The following GAR1 variants were observed in gnomAD, a reference collection of about 807,000 sequenced individuals.
The protein encoded by GAR1 is H/ACA ribonucleoprotein complex subunit 1.
In GAR1, 11 loss-of-function variants were observed where a neutral mutation model predicts 29.3. The ratio of observed to expected loss-of-function variants is 0.38; its 90% CI spans 0.24 to 0.62. GAR1 has a LOEUF of 0.62. Ranked by LOEUF, GAR1 falls within the 20% of genes least tolerant of loss-of-function variation. The pLI is 0.62. For missense variants in GAR1, 237 were observed against 268.4 expected (o/e 0.88, Z 0.82); for synonymous variants, 87 against 93.3 (o/e 0.93, Z 0.39).
chr4:109,816,585 A>G (rs1171548774), intron 2 of GAR1, among the ~76,000 whole-genome samples: 1 of 152,166 alleles, frequency 6.6e-6, no homozygotes, highest in African/African-American at 2.4e-5. Flanking sequence ...TTAAATAGGT[A>G]ATCGTGAGTA....
chr4:109,816,137 GT>G lies in GAR1; in HGVS notation c.-12-7del, dbSNP rs148758932. The G allele has an allele frequency of 9.6e-6, 15 of 1,569,708 alleles. No individual in the cohort carries two copies. Among genetic ancestry groups the G allele is most frequent in the African/African-American group, 2.7e-5 (2 of 73,392 alleles). ...CTACAGTGATCAGAAGACATAGGTC[GT>G]TTTTTTTTCATCAGGGAGGAGAGAG... On this transcript the variant is annotated splice_polypyrimidine_tract_variant and intron_variant, in intron 1 of 6. Coordinates refer to ENST00000226796, the MANE Select transcript of GAR1 (RefSeq NM_018983.4).
chr4:109,822,696 T>G (rs1378751703), intron 5 of GAR1: 3 of 429,540 alleles, frequency 7.0e-6, no homozygotes, highest in African/African-American at 6.2e-5. Context: ...AGTATACTTT[T>G]GAGGGACTTC....
intron 5 of GAR1, among the ~76,000 whole-genome samples, chr4:109,822,909 CG>C (rs1425167244): frequency 6.6e-6 from 1 of 152,138 alleles, no homozygotes; most frequent in Non-Finnish European, 1.5e-5. Context: ...AATGAGGAAA[CG>C]GAGACTTACA....
chr4:109,818,465 T>C (rs534235431), intron 3 of GAR1, among the ~76,000 whole-genome samples: 1 of 149,536 alleles, frequency 6.7e-6, no homozygotes, highest in Admixed American at 6.6e-5. Context: ...CTTTCTCTCT[T>C]TCTTTCTTTC....
chr4:109,824,514 C>T lies in GAR1; in HGVS notation c.*83C>T, dbSNP rs994078939. ...TCTACTATGGATTGGAAACTTGTTT[C>T]TTGAACAAGTCTTGAAGATCTTGGT... On this transcript the variant is annotated 3_prime_UTR_variant, in exon 7 of 7. Coordinates refer to ENST00000226796, the MANE Select transcript of GAR1 (RefSeq NM_018983.4). 24 of 1,004,074 alleles carry T rather than the reference C, an allele frequency of 2.4e-5. No individual in the cohort carries two copies. The highest frequency in any genetic ancestry group is 3.3e-5 in the Non-Finnish European group (21 of 633,180). 62.2% of individuals were successfully genotyped at this position (1,004,074 alleles called of 1,614,324 possible). A position where few individuals can be genotyped will look rare whatever the true frequency, so the allele number is the denominator to read the frequency against.
chr4:109,821,104 T>TC (rs1344188787), intron 4 of GAR1, among the ~76,000 whole-genome samples: 3 of 152,160 alleles, frequency 2.0e-5, no homozygotes, highest in African/African-American at 4.8e-5. Flanking sequence ...GATTCAGCCC[T>TC]CCTTACCCAG....
intron 3 of GAR1, among the ~76,000 whole-genome samples, chr4:109,818,533 CCCTCCCTT>C (rs1325356609): frequency 2.0e-5 from 3 of 150,422 alleles, no homozygotes; most frequent in East Asian, 1.9e-4. Flanking sequence ...CTTCTTCCCT[CCCTCCCTT>C]CCTCCCTTCC....
chr4:109,819,353 C>G, intron 4 of GAR1: 1 of 384,086 alleles, frequency 2.6e-6, no homozygotes, highest in East Asian at 6.3e-5. Context: ...GCTTTCATGA[C>G]CAAACATTCT....
intron 5 of GAR1, among the ~76,000 whole-genome samples, chr4:109,823,368 G>A (rs1733570335): frequency 6.6e-6 from 1 of 152,120 alleles, no homozygotes; most frequent in South Asian, 2.1e-4. Context: ...GTCCATATAG[G>A]TAGGAAAATT....
rs911622276 is a variant in GAR1 at position 109,815,868 on chromosome 4, A to C, written c.-13+64A>C. On this transcript the variant is annotated intron_variant, in intron 1 of 6. Transcript: ENST00000226796. ...GACGTGGAACCCAACTGCCGGAGGG[A>C]GGGAGGAAGGAAGGGGATGCGGTGC... The C allele has an allele frequency of 1.3e-5, 5 of 388,138 alleles. No individual in the cohort carries two copies. In the East Asian group the frequency reaches 2.0e-4, roughly 16 times the overall value. 24.0% of individuals were successfully genotyped at this position (388,138 alleles called of 1,614,324 possible). A position where few individuals can be genotyped will look rare whatever the true frequency, so the allele number is the denominator to read the frequency against.
In GAR1 at chr4:109,816,363, C is replaced by T; in HGVS notation, c.199C>T (p.Pro67Ser). Residue 67 changes from proline to serine, a missense_variant, in exon 2 of 7, where the codon CCA (proline) becomes TCA (serine). By Grantham distance (74) the Pro-to-Ser change is moderately conservative. Transcript: ENST00000226796. ...GFNKGQDQGPPERVVLLGEFL... is the reference protein window; with the variant it reads ...GFNKGQDQGPSERVVLLGEFL... The stretch of plus-strand genomic sequence containing the variant: ...TAACAAAGGCCAAGACCAAGGACCT[C>T]CAGAACGTGTAGTCTGTATGCAGTC... 3.1e-6 allele frequency: 5 copies of T among 1,613,742 alleles called. No individual in the cohort carries two copies. Among genetic ancestry groups the T allele is most frequent in the Non-Finnish European group, 3.4e-6 (4 of 1,179,842 alleles).
At chr4:109,816,004 A>G in intron 1 of GAR1, 149 bp from the exon 2 acceptor site, 1 of 753,444 alleles carries the variant, frequency 1.3e-6, no homozygotes, top group Non-Finnish European at 2.3e-6. Context: ...TTCACCCATC[A>G]GGTTGGTGGT....
At chr4:109,824,076 T>C (rs2125890539) in intron 6 of GAR1, 43 bp downstream of exon 6, 3 of 1,277,214 alleles carry the variant, frequency 2.3e-6, no homozygotes, top group Non-Finnish European at 3.4e-6. Context: ...ATGTTTAAAA[T>C]TGATATTATC....
chr4:109,818,117 T>C (rs1048047788), intron 3 of GAR1, 27 bp downstream of exon 3: 1 of 1,545,932 alleles, frequency 6.5e-7, no homozygotes, highest in Non-Finnish European at 8.8e-7. Context: ...GAAGGCCTGA[T>C]AATATTCAAA....
At chr4:109,819,151 C>G in intron 4 of GAR1, 91 bp downstream of exon 4, 1 of 777,624 alleles carries the variant, frequency 1.3e-6, no homozygotes, top group Non-Finnish European at 2.4e-6. Context: ...TGAGACTTTC[C>G]CAACATATCA....
chr4:109,823,990 T>C lies in GAR1; in HGVS notation c.597T>C (p.Gly199=). 6.2e-7 allele frequency: 1 copy of C among 1,606,658 alleles called. No homozygotes were observed. The change falls in exon 6 of 7, where the codon GGT becomes GGC. Residue 199 remains glycine (G), a synonymous_variant. Transcript: ENST00000226796. The part of the protein sequence containing the change: ...RGGGFRGGRG[G]GGGGFRGGRG... ...GTGGTTTTAGAGGTGGAAGAGGAGG[T>C]GGAGGTGGGGGCTTCAGAGGAGGAA... is the stretch of plus-strand genomic sequence containing the variant.
At chr4:109,822,155 T>TAAAAAAAAAAAAAA (rs59097048) in intron 4 of GAR1, among the ~76,000 whole-genome samples, 192 bp from the exon 5 acceptor site, 1 of 101,642 alleles carries the variant, frequency 9.8e-6, no homozygotes, top group Non-Finnish European at 2.0e-5. Flanking sequence ...GAACTTAAGG[T>TAAAAAAAAAAAAAA]AAAAAAAAAA....
At position 109,816,275 on chromosome 4, in the gene GAR1, C is replaced by T. The variant is rs1016080859; in HGVS notation, c.111C>T (p.Gly37=). The change falls in exon 2 of 7, where the codon GGC becomes GGT. Residue 37 remains glycine, a synonymous_variant. Coordinates refer to ENST00000226796, the MANE Select transcript of GAR1 (RefSeq NM_018983.4). ...TCCGAGGTGGAGGCGGCGGTGGAGGCGGCGGCAATTTCAGAGGCGGCGGCA... is the reference window on the plus strand; with the variant it reads ...TCCGAGGTGGAGGCGGCGGTGGAGGTGGCGGCAATTTCAGAGGCGGCGGCA... ...NHFRGGGGGG[G]GGNFRGGGRG... 6 of 1,610,584 alleles carry T rather than the reference C, an allele frequency of 3.7e-6. No individual in the cohort carries two copies. The highest frequency in any genetic ancestry group is 1.7e-5 in the Admixed American group (1 of 59,586).
chr4:109,821,858 T>A (rs1384220848), intron 4 of GAR1, among the ~76,000 whole-genome samples: 1 of 152,064 alleles, frequency 6.6e-6, no homozygotes, highest in Non-Finnish European at 1.5e-5. Flanking sequence ...TCTCTACATT[T>A]TACAGATAAG....
Sources: allele counts gnomAD v4.1 joint callset (sites outside exome capture counted in the v4.1 genomes callset), GRCh38; gene constraint gnomAD v4.1.1; transcripts MANE v1.5; gene names NCBI Gene and HGNC (gene_info 2026-07-23, HGNC 2026-07-21).